The following MBNL2 variants were observed in gnomAD, a reference collection of about 807,000 sequenced individuals.
MBNL2 encodes muscleblind-like protein 2.
In MBNL2, 17 loss-of-function variants were observed where a neutral mutation model predicts 41.9. The observed-to-expected ratio is 0.41, with a 90% CI of 0.28 to 0.61. MBNL2 has a LOEUF of 0.61. MBNL2 is among the 20% of genes least tolerant of loss of function. MBNL2 has a pLI of 0.35. For missense variants in MBNL2, 336 were observed against 505.6 expected, an observed-to-expected ratio of 0.66 and a Z score of 3.22; for synonymous variants, 195 against 182.9, an observed-to-expected ratio of 1.07 and a Z score of -0.53.
intron 1 of MBNL2, among the ~76,000 whole-genome samples, chr13:97,230,847 T>C (rs2042282721): frequency 6.6e-6 from 1 of 152,204 alleles, no homozygotes. Flanking sequence ...TTCAGAATCT[T>C]GTTTAGAGCC....
chr13:97,278,877 A>G (rs942809742), intron 2 of MBNL2, among the ~76,000 whole-genome samples: 1 of 152,192 alleles, frequency 6.6e-6, no homozygotes, highest in Non-Finnish European at 1.5e-5. Flanking sequence ...CAGGAGTAAA[A>G]TAGACCTGAG....
chr13:97,141,876 T>G, the MBNL2 span, among the ~76,000 whole-genome samples: 1 of 152,176 alleles, frequency 6.6e-6, no homozygotes, highest in East Asian at 1.9e-4. Context: ...AATGGAGAGC[T>G]GTGTCTGAGG....
At chr13:97,233,126 C>CATATATATAT (rs376967986) in intron 1 of MBNL2, among the ~76,000 whole-genome samples, 16 of 39,782 alleles carry the variant, frequency 4.0e-4, no homozygotes, top group Non-Finnish European at 6.4e-4. Context: ...GGCTCTTTTT[C>CATATATATAT]ATATATATAT....
At chr13:97,192,288 C>G in the MBNL2 span, among the ~76,000 whole-genome samples, 2 of 152,194 alleles carry the variant, frequency 1.3e-5, no homozygotes, top group South Asian at 4.1e-4. Context: ...GACCCCACCC[C>G]TACGTTTCTG....
the MBNL2 span, among the ~76,000 whole-genome samples, chr13:97,180,154 A>G: frequency 6.6e-6 from 1 of 152,210 alleles, no homozygotes; most frequent in Non-Finnish European, 1.5e-5. Context: ...GGTAAACTCT[A>G]CAAGACTTAG....
chr13:97,164,830 T>TCCTTGGCCACATATGAAGAC, the MBNL2 span, among the ~76,000 whole-genome samples: 1 of 152,196 alleles, frequency 6.6e-6, no homozygotes, highest in African/African-American at 2.4e-5. Flanking sequence ...TGACCAGGGC[T>TCCTTGGCCACATATGAAGAC]CCTTGGCCAC....
chr13:97,339,872 G>T (rs28560780), intron 3 of MBNL2, among the ~76,000 whole-genome samples: 1,316 of 125,024 alleles, frequency 0.011, 75 homozygotes, highest in African/African-American at 0.032. Flanking sequence ...TTTGTGTGTG[G>T]GCGGGGGGGG....
At chr13:97,162,622 A>C in the MBNL2 span, among the ~76,000 whole-genome samples, 2 of 152,136 alleles carry the variant, frequency 1.3e-5, no homozygotes, top group Non-Finnish European at 2.9e-5. Context: ...AGCGCTCCTC[A>C]CTGTTTCTTC....
intron 2 of MBNL2, among the ~76,000 whole-genome samples, chr13:97,277,293 G>A (rs557988921): frequency 4.1e-4 from 62 of 152,276 alleles, no homozygotes; most frequent in Middle Eastern, 3.4e-3. Context: ...TGTCTAGGGC[G>A]TTCCTACAGG....
At chr13:97,300,073 C>T (rs1412046002) in intron 2 of MBNL2, among the ~76,000 whole-genome samples, 2 of 152,088 alleles carry the variant, frequency 1.3e-5, no homozygotes, top group African/African-American at 2.4e-5. Context: ...GTCACTGATA[C>T]AGCCAGGTCC....
At chr13:97,168,029 A>C in the MBNL2 span, among the ~76,000 whole-genome samples, 2 of 152,116 alleles carry the variant, frequency 1.3e-5, no homozygotes, top group Admixed American at 1.3e-4. Context: ...GCAATGGCAC[A>C]ATCTTCACTC....
chr13:97,271,207 C>T (rs1264722589), intron 1 of MBNL2, among the ~76,000 whole-genome samples: 1 of 150,852 alleles, frequency 6.6e-6, no homozygotes, highest in Non-Finnish European at 1.5e-5. Context: ...TCTCCACCTC[C>T]TAGGTTCAAG....
the MBNL2 span, among the ~76,000 whole-genome samples, chr13:97,198,280 C>G: frequency 6.6e-6 from 1 of 151,920 alleles, no homozygotes; most frequent in African/African-American, 2.4e-5. Flanking sequence ...TGAACTAAAA[C>G]ACTGGCTCTG....
At chr13:97,257,395 C>T (rs1455685585) in intron 1 of MBNL2, among the ~76,000 whole-genome samples, 1 of 152,292 alleles carries the variant, frequency 6.6e-6, no homozygotes, top group East Asian at 1.9e-4. Flanking sequence ...TTTTCCTACT[C>T]AGCAGTATGC....
At chr13:97,287,948 T>G (rs1184286200) in intron 2 of MBNL2, among the ~76,000 whole-genome samples, 1 of 146,858 alleles carries the variant, frequency 6.8e-6, no homozygotes, top group Non-Finnish European at 1.5e-5. Context: ...TGTTTTTTTT[T>G]TTTTTAGTAG....
chr13:97,385,293 G>A (rs1203647375), intron 8 of MBNL2, among the ~76,000 whole-genome samples: 2 of 152,186 alleles, frequency 1.3e-5, no homozygotes, highest in African/African-American at 4.8e-5. Flanking sequence ...CTGCTTGGAA[G>A]TACCCACTTG....
chr13:97,332,347 T>C (rs574966803), intron 2 of MBNL2, among the ~76,000 whole-genome samples: 7 of 152,230 alleles, frequency 4.6e-5, no homozygotes, highest in South Asian at 4.1e-4. Context: ...AATGATAGAA[T>C]TGTATTTGGC....
At chr13:97,368,496 T>G (rs991426225) in intron 8 of MBNL2, among the ~76,000 whole-genome samples, 5 of 152,224 alleles carry the variant, frequency 3.3e-5, no homozygotes, top group African/African-American at 9.6e-5. Context: ...TATGATAAGT[T>G]TAGCCTTTTG....
At chr13:97,375,409 C>CCATG (rs1218385717) in intron 8 of MBNL2, among the ~76,000 whole-genome samples, 3 of 152,202 alleles carry the variant, frequency 2.0e-5, no homozygotes, top group Admixed American at 2.0e-4. Context: ...AAAGTAAGCG[C>CCATG]CATGGCATGG....
Sources: allele counts gnomAD v4.1 joint callset (sites outside exome capture counted in the v4.1 genomes callset), GRCh38; gene constraint gnomAD v4.1.1; transcripts MANE v1.5; gene names NCBI Gene and HGNC (gene_info 2026-07-23, HGNC 2026-07-21).